Variants in ALDH3A1 observed in about 807,000 individuals in gnomAD.
ALDH3A1 encodes the protein aldehyde dehydrogenase, dimeric NADP-preferring.
In ALDH3A1, 46 loss-of-function variants were observed where a neutral mutation model predicts 49.9. That is an observed-to-expected ratio of 0.92 (90% CI 0.73 to 1.18). ALDH3A1 has a LOEUF of 1.18. ALDH3A1 is among the 50% of genes most tolerant of loss of function. The pLI is 0.00. For synonymous variants in ALDH3A1, 269 were observed against 253.3 expected (o/e 1.06, Z -0.59); for missense variants, 592 against 611.8 (o/e 0.97, Z 0.34).
chr17:19,741,658 C>T (rs911457781), intron 5 of ALDH3A1, among the ~76,000 whole-genome samples: 9 of 152,162 alleles, frequency 5.9e-5, no homozygotes, highest in Non-Finnish European at 1.0e-4. Context: ...GATTGCCCTG[C>T]CCCATCAGAG....
In ALDH3A1 at chr17:19,745,072, T is replaced by G; in HGVS notation, c.58A>C (p.Thr20Pro). 6.3e-7 allele frequency: 1 copy of G among 1,594,594 alleles called. No individual in the cohort carries two copies. Among genetic ancestry groups the G allele is most frequent in the South Asian group, 1.1e-5 (1 of 90,760 alleles). The change falls in exon 2 of 11, where the codon ACC becomes CCC. Residue 20 changes from threonine to proline, a missense_variant. Coordinates refer to ENST00000225740, the MANE Select transcript of ALDH3A1 (RefSeq NM_000691.5). ...TGGATCCGGAACTGCAGCGGACGGGTCCTGCCCGAGCTGAAGGCGGCGCGG... is the reference window on the plus strand; with the variant it reads ...TGGATCCGGAACTGCAGCGGACGGGGCCTGCCCGAGCTGAAGGCGGCGCGG... The part of the protein sequence containing the change: ...RARAAFSSGR[T>P]RPLQFRIQQL...
chr17:19,739,070 G>A lies in ALDH3A1; in HGVS notation c.1142C>T (p.Thr381Ile). Residue 381 changes from threonine (T) to isoleucine (I), a missense_variant, in exon 9 of 11, where the codon ACA (threonine) becomes ATA (isoleucine). Thr to Ile is a moderately conservative substitution (Grantham distance 89). Transcript: ENST00000225740. ...GTTGGCCGCCACCCCACCACTGGAT[G>A]TCTCTGCAATCATCTTCTTAATCAC... ...DKVIKKMIAE[T>I]SSGGVAANDV... 1.2e-6 allele frequency: 2 copies of A among 1,613,756 alleles called. No homozygotes were observed. Among genetic ancestry groups the A allele is most frequent in the South Asian group, 1.1e-5 (1 of 91,046 alleles).
intron 4 of ALDH3A1, 75 bp downstream of exon 4, chr17:19,742,470 T>A: frequency 6.7e-7 from 1 of 1,503,678 alleles, no homozygotes; most frequent in Non-Finnish European, 9.1e-7. Context: ...AATTCACTAT[T>A]TCTCACCCCC....
intron 1 of ALDH3A1, among the ~76,000 whole-genome samples, chr17:19,746,374 C>T (rs1214543202): frequency 2.0e-5 from 3 of 152,076 alleles, no homozygotes; most frequent in Non-Finnish European, 1.5e-5. Flanking sequence ...GCACTTTGAC[C>T]GGGAGAATGG....
At chr17:19,739,344 A>C (rs1246624048) in intron 8 of ALDH3A1, among the ~76,000 whole-genome samples, 164 bp downstream of exon 8, 1 of 152,226 alleles carries the variant, frequency 6.6e-6, no homozygotes. Context: ...CAGTGCCCTC[A>C]GGTGATGCTG....
intron 5 of ALDH3A1, 138 bp from the exon 6 acceptor site, chr17:19,741,348 C>T (rs2086488814): frequency 2.9e-6 from 2 of 692,968 alleles, no homozygotes; most frequent in Non-Finnish European, 2.5e-6. Context: ...AAGCGGTCTG[C>T]TCACTTCTAG....
In ALDH3A1 at chr17:19,739,033, G is replaced by A. The variant is rs2086440180; in HGVS notation, c.1179C>T (p.Val393=). The A allele has an allele frequency of 6.2e-7, 1 of 1,613,952 alleles. No homozygotes were observed. The highest frequency in any genetic ancestry group is 2.2e-5 in the East Asian group (1 of 44,866). The change falls in exon 9 of 11, where the codon GTC becomes GTT. Residue 393 remains valine (V), a synonymous_variant. Coordinates refer to ENST00000225740, the MANE Select transcript of ALDH3A1 (RefSeq NM_000691.5). ...AGGGCAGAGAGTGCAAGGTGATGTG[G>A]ACGATGACATCGTTGGCCGCCACCC... ...SGGVAANDVI[V]HITLHSLPFG...
chr17:19,738,967 G>A, intron 9 of ALDH3A1, 29 bp downstream of exon 9: 1 of 1,598,456 alleles, frequency 6.3e-7, no homozygotes, highest in African/African-American at 1.3e-5. Flanking sequence ...GGGCCCAGAG[G>A]GAGGCAGCAA....
At chr17:19,739,172 T>A (rs2086443767) in intron 8 of ALDH3A1, 77 bp from the exon 9 acceptor site, 6 of 1,334,430 alleles carry the variant, frequency 4.5e-6, no homozygotes, top group Non-Finnish European at 6.3e-6. Context: ...CCTGCCTGGG[T>A]ATAGCCTGGA....
chr17:19,745,152 C>T lies in ALDH3A1; in HGVS notation c.-5-18G>A, dbSNP rs374854383. The T allele has an allele frequency of 2.4e-4, 374 of 1,549,372 alleles. 2 individuals are homozygous for T. The African/African-American group carries it at 4.7e-3, about 20-fold the overall frequency. ...CATGGCGCCTGGGGACAGAGAGCAC[C>T]TGCAGCTGGCTGAGGGGCACGAGCG... On this transcript the variant is annotated intron_variant, in intron 1 of 10. Coordinates refer to ENST00000225740, the MANE Select transcript of ALDH3A1 (RefSeq NM_000691.5).
In ALDH3A1 at chr17:19,741,126, G is replaced by C. The variant is rs574046532; in HGVS notation, c.774C>G (p.Asn258Lys). The C allele has an allele frequency of 1.9e-6, 3 of 1,614,114 alleles. No individual in the cohort carries two copies. The highest frequency in any genetic ancestry group is 2.5e-6 in the Non-Finnish European group (3 of 1,179,960). The change falls in exon 6 of 11, where the codon AAC becomes AAG. Residue 258 changes from asparagine (N) to lysine (K), a missense_variant. Transcript: ENST00000225740. ...ACTTCTTGAGCTTCTCCACAATTTGGTTCTGGATCGAGGGGTCACAGAGGA... is the reference window on the plus strand; with the variant it reads ...ACTTCTTGAGCTTCTCCACAATTTGCTTCTGGATCGAGGGGTCACAGAGGA... ...DYILCDPSIQ[N>K]QIVEKLKKSL...
chr17:19,745,187 TC>T (rs2152376169), intron 1 of ALDH3A1, 53 bp from the exon 2 acceptor site: 1 of 1,499,856 alleles, frequency 6.7e-7, no homozygotes, highest in Non-Finnish European at 8.9e-7. Flanking sequence ...GCGCCCTGCC[TC>T]CCACCCTGCC....
At chr17:19,744,591 G>A in intron 2 of ALDH3A1, 1 of 985,416 alleles carries the variant, frequency 1.0e-6, no homozygotes, top group Non-Finnish European at 1.2e-6. Flanking sequence ...GGAGGGAGGG[G>A]AGAGCCCCCC....
At chr17:19,744,907 C>G (rs539635463) in intron 2 of ALDH3A1, 61 bp downstream of exon 2, 20 of 813,484 alleles carry the variant, frequency 2.5e-5, no homozygotes, top group Non-Finnish European at 2.9e-5. Flanking sequence ...CCCAGCCCCT[C>G]CCCCCACGCC....
rs188206464 is a variant in ALDH3A1 at position 19,746,920 on chromosome 17, T to C, written c.-6+1339A>G. Among the ~76,000 whole-genome samples, 660 of 152,274 alleles carry C rather than the reference T, an allele frequency of 4.3e-3. 7 individuals carry two copies. Among genetic ancestry groups the C allele is most frequent in the African/African-American group, 0.015 (629 of 41,540 alleles). On this transcript the variant is annotated intron_variant, in intron 1 of 10. Coordinates refer to ENST00000225740, the MANE Select transcript of ALDH3A1 (RefSeq NM_000691.5). Reference sequence around the variant, plus strand: ...GGTGCGTTTTAAGATAGGCACTACATGCTCATGAAACAAAATGTAAAATAT... The same window carrying C: ...GGTGCGTTTTAAGATAGGCACTACACGCTCATGAAACAAAATGTAAAATAT...
At chr17:19,744,896 CCCCA>C in intron 2 of ALDH3A1, 68 bp downstream of exon 2, 16 of 742,290 alleles carry the variant, frequency 2.2e-5, no homozygotes, top group Non-Finnish European at 2.3e-5. Context: ...GTCGCACTCT[CCCCA>C]GCCCCTCCCC....
intron 1 of ALDH3A1, among the ~76,000 whole-genome samples, chr17:19,747,289 T>C (rs1267031886): frequency 6.6e-6 from 1 of 152,140 alleles, no homozygotes; most frequent in East Asian, 1.9e-4. Flanking sequence ...CCTGCTGGCA[T>C]TGAGGGTGCT....
chr17:19,741,582 G>A (rs942566310), intron 5 of ALDH3A1, among the ~76,000 whole-genome samples: 13 of 152,160 alleles, frequency 8.5e-5, no homozygotes, highest in African/African-American at 2.9e-4. Context: ...GTGCAGATAC[G>A]GGTTCTGCCC....
In ALDH3A1 at chr17:19,743,228, G is replaced by T. The variant is rs1167651245; in HGVS notation, c.394+4C>A. 4.2e-5 allele frequency: 67 copies of T among 1,613,304 alleles called. No homozygotes were observed. Among genetic ancestry groups the T allele is most frequent in the Non-Finnish European group, 5.3e-5 (63 of 1,179,842 alleles). ...CCAGCTTCCCTTCCCACAGGGCCAT[G>T]CACCTGCAGCGATGGCGCCCACCAT... On this transcript the variant is annotated splice_donor_region_variant and intron_variant, in intron 3 of 10. Coordinates refer to ENST00000225740, the MANE Select transcript of ALDH3A1 (RefSeq NM_000691.5). The surrounding 1 kb of genome is among the most constrained non-coding windows in gnomAD (Gnocchi z 4.4).
Sources: allele counts gnomAD v4.1 joint callset (sites outside exome capture counted in the v4.1 genomes callset), GRCh38; gene constraint gnomAD v4.1.1; non-coding constraint Gnocchi (gnomAD v3.1); transcripts MANE v1.5; gene names NCBI Gene and HGNC (gene_info 2026-07-23, HGNC 2026-07-21).